Variants in SEPTIN6 observed in about 807,000 individuals in gnomAD.
The protein encoded by SEPTIN6 is septin 6.
A neutral mutation model predicts 33.6 loss-of-function variants in SEPTIN6; 8 were observed. That is an observed-to-expected ratio of 0.24 (90% CI 0.14 to 0.43). The LOEUF (loss-of-function observed/expected upper bound fraction) is 0.43, where lower values mean the gene tolerates loss of function less well. Among genes scored for constraint, SEPTIN6 ranks in the 20% least tolerant of loss-of-function variants. The pLI is 1.00. For synonymous variants in SEPTIN6, 131 were observed against 140.0 expected (o/e 0.94, Z 0.45); for missense variants, 250 against 340.8 (o/e 0.73, Z 2.10).
At chrX:119,621,122 G>A (rs1267451943) in intron 10 of SEPTIN6, among the ~76,000 whole-genome samples, 1 of 110,147 alleles carries the variant, frequency 9.1e-6, no homozygotes, top group East Asian at 2.9e-4. Flanking sequence ...AGGAGGCTGA[G>A]GTTTCACCCC....
At chrX:119,656,755 G>A (rs957299416) in intron 3 of SEPTIN6, among the ~76,000 whole-genome samples, 1 of 110,752 alleles carries the variant, frequency 9.0e-6, no homozygotes, top group Non-Finnish European at 1.9e-5. Context: ...GCATGGTGGC[G>A]TGCGCCTGTA....
chrX:119,689,808 G>A (rs1239408366), intron 1 of SEPTIN6, among the ~76,000 whole-genome samples: 1 of 109,461 alleles, frequency 9.1e-6, no homozygotes, highest in Non-Finnish European at 1.9e-5. Context: ...TTGGCTCACT[G>A]CAACCTCTGC....
intron 4 of SEPTIN6, among the ~76,000 whole-genome samples, chrX:119,651,812 C>T (rs1470003988): frequency 8.9e-6 from 1 of 112,848 alleles, no homozygotes; most frequent in Non-Finnish European, 1.9e-5. Context: ...TCAAGAGCAG[C>T]CTTTTATTCA....
intron 5 of SEPTIN6, among the ~76,000 whole-genome samples, chrX:119,647,479 C>CTTTTT (rs1394178236): frequency 3.5e-5 from 2 of 57,283 alleles, no homozygotes; most frequent in African/African-American, 2.1e-4. Context: ...TCCTTTCTCT[C>CTTTTT]TCTCTTTTTT....
At chrX:119,683,207 C>T (rs1041750443) in intron 1 of SEPTIN6, among the ~76,000 whole-genome samples, 3 of 112,476 alleles carry the variant, frequency 2.7e-5, no homozygotes, top group Non-Finnish European at 3.8e-5. Context: ...GAGCTGAGAT[C>T]GCACAACTGC....
intron 1 of SEPTIN6, among the ~76,000 whole-genome samples, chrX:119,689,716 TCCAC>T (rs1323158201): frequency 3.7e-5 from 4 of 109,211 alleles, no homozygotes; most frequent in African/African-American, 1.3e-4. Context: ...GACTTTGTGA[TCCAC>T]CCACCTCGGC....
intron 1 of SEPTIN6, among the ~76,000 whole-genome samples, chrX:119,689,961 C>T (rs1473344191): frequency 9.0e-6 from 1 of 111,461 alleles, no homozygotes; most frequent in Non-Finnish European, 1.9e-5. Flanking sequence ...GAACTCCTGA[C>T]CTCATGATCT....
At chrX:119,616,432 C>T (rs1210736365), downstream of SEPTIN6, 4 of 441,744 alleles carry the variant, frequency 9.1e-6, no homozygotes, top group Non-Finnish European at 1.7e-5. Flanking sequence ...GGTGAGTGGT[C>T]CTGTAGTTGT....
At chrX:119,622,136 G>A (rs1362777254) in intron 10 of SEPTIN6, among the ~76,000 whole-genome samples, 1 of 111,755 alleles carries the variant, frequency 8.9e-6, no homozygotes, top group Admixed American at 9.5e-5. Flanking sequence ...CCTAGGGGAA[G>A]AGTAATCTAA....
intron 6 of SEPTIN6, among the ~76,000 whole-genome samples, chrX:119,637,855 G>A (rs2054095800): frequency 8.9e-6 from 1 of 111,962 alleles, no homozygotes; most frequent in South Asian, 3.7e-4. Context: ...AAAAATAGAG[G>A]GATAGCCAAG....
intron 1 of SEPTIN6, among the ~76,000 whole-genome samples, chrX:119,689,625 C>T (rs1420542844): frequency 9.0e-6 from 1 of 111,310 alleles, no homozygotes; most frequent in African/African-American, 3.3e-5. Context: ...TACAGGTGCC[C>T]GCCACCACGC....
chrX:119,640,755 C>G lies in SEPTIN6; in HGVS notation c.724G>C (p.Glu242Gln). Reference sequence around the variant, plus strand: ...ATCTTGTTGCCTATCTTCAGTTCTTCTGTGCTGCCAATGACAGCAAACGGC... The same window carrying G: ...ATCTTGTTGCCTATCTTCAGTTCTTGTGTGCTGCCAATGACAGCAAACGGC... ...HLPFAVIGST[E>Q]ELKIGNKMMR... The change falls in exon 6 of 11, where the codon GAA (glutamate) becomes CAA (glutamine). Residue 242 changes from glutamate to glutamine, a missense_variant. Transcript: ENST00000394610. 8.3e-7 allele frequency: 1 copy of G among 1,211,305 alleles called. No individual in the cohort carries two copies. The highest frequency in any genetic ancestry group is 1.1e-6 in the Non-Finnish European group (1 of 895,173).
chrX:119,617,994 G>A lies in SEPTIN6; in HGVS notation c.*2099C>T, dbSNP rs1017218952. ...GTAATGCAAATAATTACCGGGCGGC[G>A]GTGTGGGGAAGTGGTGGTTACCGGT... is the stretch of plus-strand genomic sequence containing the variant. On this transcript the variant is annotated 3_prime_UTR_variant, in exon 11 of 11. Transcript: ENST00000394610. 7.5e-6 allele frequency: 6 copies of A among 801,195 alleles called. No homozygotes were observed. Among genetic ancestry groups the A allele is most frequent in the Non-Finnish European group, 9.0e-6 (6 of 669,518 alleles). The allele number at this position is 801,195 out of a possible 1,213,427, so 66.0% of individuals were successfully genotyped here.
chrX:119,683,126 G>T (rs2054993627), intron 1 of SEPTIN6, among the ~76,000 whole-genome samples: 2 of 112,363 alleles, frequency 1.8e-5, no homozygotes, highest in African/African-American at 3.2e-5. Flanking sequence ...GGTGGCTCAT[G>T]CCTGTAGTCC....
At chrX:119,692,107 AT>A (rs1009760396) in intron 1 of SEPTIN6, among the ~76,000 whole-genome samples, 14 of 108,221 alleles carry the variant, frequency 1.3e-4, no homozygotes, top group South Asian at 4.0e-4. Context: ...TTAAATGAAG[AT>A]TTTTTTTTTC....
At chrX:119,658,106 A>G (rs745759103) in intron 3 of SEPTIN6, among the ~76,000 whole-genome samples, 26 of 112,240 alleles carry the variant, frequency 2.3e-4, no homozygotes, top group African/African-American at 3.9e-4. Context: ...CCGTCTGGGC[A>G]ACAGTGCGAA....
intron 7 of SEPTIN6, among the ~76,000 whole-genome samples, chrX:119,634,693 G>A (rs2054026650): frequency 8.9e-6 from 1 of 111,828 alleles, no homozygotes; most frequent in South Asian, 3.7e-4. Flanking sequence ...AGGATAGACT[G>A]TCCATCAATC....
intron 2 of SEPTIN6, among the ~76,000 whole-genome samples, chrX:119,673,496 G>A (rs1050338974): frequency 9.0e-6 from 1 of 110,852 alleles, no homozygotes; most frequent in Admixed American, 9.7e-5. Context: ...TACAAAAAGT[G>A]ACCTGGAAAA....
chrX:119,691,466 C>T (rs892642568), intron 1 of SEPTIN6, among the ~76,000 whole-genome samples: 1 of 112,076 alleles, frequency 8.9e-6, no homozygotes, highest in Non-Finnish European at 1.9e-5. Context: ...GCCCTCAAAA[C>T]ACTAAAGCAA....
Sources: allele counts gnomAD v4.1 joint callset (sites outside exome capture counted in the v4.1 genomes callset), GRCh38; gene constraint gnomAD v4.1.1; transcripts MANE v1.5; gene names NCBI Gene and HGNC (gene_info 2026-07-23, HGNC 2026-07-21).